UBR4: variants seen among roughly 807,000 people sequenced by gnomAD.
The protein encoded by UBR4 is ubiquitin protein ligase E3 component n-recognin 4, also known as E3 ubiquitin-protein ligase UBR4.
A neutral mutation model predicts 575.6 loss-of-function variants in UBR4; 124 were observed. The observed-to-expected ratio is 0.22, with a 90% confidence interval of 0.19 to 0.25. The LOEUF is 0.25. Among genes scored for constraint, UBR4 ranks in the 10% least tolerant of loss-of-function variants. The probability of loss-of-function intolerance (pLI) is 1.00; values close to 1 mark genes in which losing one functional copy is unlikely to be tolerated. For synonymous variants in UBR4, 2,455 were observed against 2,473.7 expected (o/e 0.99, Z 0.22); for missense variants, 4,818 against 6,478.8 (o/e 0.74, Z 8.80).
At chr1:19,161,266 A>G in intron 37 of UBR4, 119 bp from the exon 38 acceptor site, 1 of 959,764 alleles carries the variant, frequency 1.0e-6, no homozygotes, top group Non-Finnish European at 1.6e-6. Flanking sequence ...TTTCAATGTT[A>G]TCCAAAAGCC....
At chr1:19,195,730 T>C (rs2092410395) in intron 8 of UBR4, among the ~76,000 whole-genome samples, 1 of 152,054 alleles carries the variant, frequency 6.6e-6, no homozygotes, top group African/African-American at 2.4e-5. Context: ...GACTGCCAAT[T>C]CCTCCTAAGT....
At chr1:19,079,261 A>C (rs922162296) in intron 103 of UBR4, 1 of 152,146 alleles carries the variant, frequency 6.6e-6, no homozygotes, top group Non-Finnish European at 1.5e-5. Flanking sequence ...AAAAACAAAT[A>C]ATATTAAATG....
intron 90 of UBR4, among the ~76,000 whole-genome samples, chr1:19,098,110 GC>G (rs1450066308): frequency 2.1e-4 from 32 of 152,212 alleles, no homozygotes; most frequent in Admixed American, 2.1e-3. Flanking sequence ...CAAGCAGCCT[GC>G]CTCCAAGTCT....
intron 1 of UBR4, among the ~76,000 whole-genome samples, chr1:19,209,154 CTA>C (rs2093172320): frequency 6.6e-6 from 1 of 152,220 alleles, no homozygotes; most frequent in South Asian, 2.1e-4. Flanking sequence ...TGGATAGCAG[CTA>C]GATATACCCT....
intron 66 of UBR4, 22 bp from the exon 67 acceptor site, chr1:19,122,034 G>A (rs1296716584): frequency 6.2e-7 from 1 of 1,613,392 alleles, no homozygotes; most frequent in Non-Finnish European, 8.5e-7. Flanking sequence ...ACCAACCACG[G>A]GAAAGGAGTA....
intron 1 of UBR4, among the ~76,000 whole-genome samples, chr1:19,206,144 T>C (rs957099810): frequency 6.6e-5 from 10 of 152,210 alleles, no homozygotes; most frequent in Non-Finnish European, 1.2e-4. Context: ...TTCTTTAAAC[T>C]ATGTAATAAG....
chr1:19,192,447 G>A, intron 10 of UBR4, 34 bp downstream of exon 10: 2 of 1,614,152 alleles, frequency 1.2e-6, no homozygotes, highest in East Asian at 4.5e-5. Context: ...GGACAAGATA[G>A]GAAGTATGCA....
rs1368196690 is a variant in UBR4 at position 19,174,424 on chromosome 1, C to A, written c.2877G>T (p.Lys959Asn). 6.2e-7 allele frequency: 1 copy of A among 1,611,122 alleles called. No individual in the cohort carries two copies. The highest frequency in any genetic ancestry group is 1.7e-5 in the Admixed American group (1 of 59,932). Residue 959 changes from lysine (K) to asparagine (N), a missense_variant, in exon 22 of 106, where the codon AAG becomes AAT. By Grantham distance (94) the Lys-to-Asn change is moderately conservative. Transcript: ENST00000375254. ...DSVACDVLFS[K>N]LVKYDELYAA... Reference sequence around the variant, plus strand: ...CATAAAGCTCATCATACTTGACAAGCTTGGAGAAAAGGACGTCACATGCCT... The same window carrying A: ...CATAAAGCTCATCATACTTGACAAGATTGGAGAAAAGGACGTCACATGCCT...
Position 19,144,806 on chromosome 1 carries a change from T to G in UBR4, c.8047A>C (p.Met2683Leu), listed in dbSNP as rs765221307. 2.2e-5 allele frequency: 35 copies of G among 1,614,208 alleles called. No homozygotes were observed. The highest frequency in any genetic ancestry group is 2.6e-5 in the Non-Finnish European group (31 of 1,180,020). ...DCINTASKIY[M>L]QMLLCPDPAV... The stretch of plus-strand genomic sequence containing the variant: ...CGTACAGGACACAAGAGCATCTGCA[T>G]GTAGATCTTGGATGCTGTGTTAATA... The change falls in exon 54 of 106, where the codon ATG (methionine) becomes CTG (leucine). Residue 2683 changes from methionine (M) to leucine (L), a missense_variant. Met to Leu is a conservative substitution (Grantham distance 15). Transcript: ENST00000375254.
At chr1:19,120,516 A>G (rs1001013770) in intron 68 of UBR4, among the ~76,000 whole-genome samples, 168 bp from the exon 69 acceptor site, 3 of 152,236 alleles carry the variant, frequency 2.0e-5, no homozygotes, top group Non-Finnish European at 4.4e-5. Flanking sequence ...TGGGGGACAA[A>G]TAGGTCAGCC....
intron 29 of UBR4, among the ~76,000 whole-genome samples, chr1:19,166,616 G>T (rs1459383786): frequency 6.7e-6 from 1 of 150,162 alleles, no homozygotes; most frequent in East Asian, 1.9e-4. Context: ...GGTGGCTCAC[G>T]CCTGTAATCC....
chr1:19,177,524 G>C lies in UBR4; in HGVS notation c.2574C>G (p.Leu858=), dbSNP rs147242533. 2.5e-6 allele frequency: 4 copies of C among 1,614,020 alleles called. No homozygotes were observed. The highest frequency in any genetic ancestry group is 2.5e-6 in the Non-Finnish European group (3 of 1,180,038). ...GAAGCAGATAATCAAAGATGAGAAGGAGGCGAGCCAAGATAAGCGGCACGA... is the reference window on the plus strand; with the variant it reads ...GAAGCAGATAATCAAAGATGAGAAGCAGGCGAGCCAAGATAAGCGGCACGA... ...MRFVPLILAR[L]LLIFDYLLHQ... Residue 858 remains leucine, a synonymous_variant, in exon 19 of 106, where the codon CTC becomes CTG. Transcript: ENST00000375254.
chr1:19,125,729 C>T (rs2081659804), intron 64 of UBR4: 1 of 152,214 alleles, frequency 6.6e-6, no homozygotes. Flanking sequence ...ACCAAAGAGT[C>T]ATGAAAAAAG....
In UBR4 at chr1:19,168,118, G is replaced by C. The variant is rs780465197; in HGVS notation, c.3808C>G (p.Leu1270Val). 6.2e-7 allele frequency: 1 copy of C among 1,613,580 alleles called. No individual in the cohort carries two copies. Among genetic ancestry groups the C allele is most frequent in the East Asian group, 2.2e-5 (1 of 44,862 alleles). The change falls in exon 28 of 106, where the codon CTG becomes GTG. Residue 1270 changes from leucine to valine, a missense_variant. This residue lies in a region of UBR4 where 1,172 missense variants were observed against 1,259.7 expected (regional missense o/e 0.93). Transcript: ENST00000375254. ...SYISAVQAAH[L>V]GTLCSQSLPL... ...AGACTTTGGCTACAGAGAGTCCCCA[G>C]GTGTGCAGCCTGCACTGCACTAATA...
At chr1:19,176,057 G>T (rs1571477017) in intron 20 of UBR4, among the ~76,000 whole-genome samples, 1 of 151,358 alleles carries the variant, frequency 6.6e-6, no homozygotes, top group Non-Finnish European at 1.5e-5. Context: ...AAAGTGCTGG[G>T]ATTACAGGCA....
intron 60 of UBR4, among the ~76,000 whole-genome samples, chr1:19,131,938 A>T (rs2082515736): frequency 1.3e-5 from 2 of 152,210 alleles, no homozygotes; most frequent in Admixed American, 1.3e-4. Flanking sequence ...TAAAATTAAA[A>T]TATAAACCAA....
rs2080322001 is a variant in UBR4 at position 19,114,966 on chromosome 1, T to C, written c.11064-17A>G. 2.5e-6 allele frequency: 4 copies of C among 1,613,954 alleles called. No homozygotes were observed. Among genetic ancestry groups the C allele is most frequent in the Admixed American group, 1.7e-5 (1 of 59,990 alleles). Reference sequence around the variant, plus strand: ...TTGATGGATCTGAGTAACCAAAGCGTTTGGGTCAGTAAGGTGACAAGGCTG... The same window carrying C: ...TTGATGGATCTGAGTAACCAAAGCGCTTGGGTCAGTAAGGTGACAAGGCTG... On this transcript the variant is annotated splice_polypyrimidine_tract_variant and intron_variant, in intron 74 of 105. Transcript: ENST00000375254.
intron 61 of UBR4, 146 bp downstream of exon 61, chr1:19,128,832 A>G: frequency 2.9e-6 from 2 of 689,910 alleles, no homozygotes; most frequent in South Asian, 1.9e-5. Context: ...ATGAAGAGCT[A>G]TAATTTGTAG....
intron 13 of UBR4, 126 bp from the exon 14 acceptor site, chr1:19,186,783 A>C: frequency 1.3e-6 from 1 of 785,306 alleles, no homozygotes. Context: ...TAGCTCCCTT[A>C]ATTAAGGACT....
Sources: allele counts gnomAD v4.1 joint callset (sites outside exome capture counted in the v4.1 genomes callset), GRCh38; gene constraint gnomAD v4.1.1; regional missense constraint gnomAD v4.1.1; transcripts MANE v1.5; gene names NCBI Gene and HGNC (gene_info 2026-07-23, HGNC 2026-07-21).